Variants in CDHR2 observed in about 807,000 individuals in gnomAD.
The protein encoded by CDHR2 is cadherin related family member 2, also known as cadherin-related family member 2.
Under a neutral mutation model 138.6 loss-of-function variants are expected in CDHR2, and 104 were observed. The ratio of observed to expected loss-of-function variants is 0.75; its 90% CI spans 0.64 to 0.88. CDHR2 has a LOEUF of 0.88. Among genes scored for constraint, CDHR2 ranks in the 40% least tolerant of loss-of-function variants. The pLI is 0.00. For synonymous variants in CDHR2, 755 were observed against 742.8 expected (o/e 1.02, Z -0.27); for missense variants, 1,624 against 1,727.6 (o/e 0.94, Z 1.06).
intron 31 of CDHR2, among the ~76,000 whole-genome samples, 195 bp downstream of exon 31, chr5:176,592,975 A>T (rs1758925312): frequency 6.6e-6 from 1 of 152,098 alleles, no homozygotes; most frequent in African/African-American, 2.4e-5. Flanking sequence ...ACCCTGAGAG[A>T]CTTCTTGCCT....
At chr5:176,551,763 G>A (rs1025173762) in intron 1 of CDHR2, among the ~76,000 whole-genome samples, 3 of 143,972 alleles carry the variant, frequency 2.1e-5, no homozygotes, top group East Asian at 2.1e-4. Flanking sequence ...GTGCAGTAGC[G>A]GCATCTCGGC....
At chr5:176,557,450 T>G (rs1757859478) in intron 1 of CDHR2, among the ~76,000 whole-genome samples, 2 of 152,104 alleles carry the variant, frequency 1.3e-5, no homozygotes, top group South Asian at 4.1e-4. Context: ...AAGTGGTCCA[T>G]CTGCCTTGGC....
At chr5:176,556,030 C>T (rs1281610555) in intron 1 of CDHR2, among the ~76,000 whole-genome samples, 1 of 152,174 alleles carries the variant, frequency 6.6e-6, no homozygotes, top group Admixed American at 6.5e-5. Flanking sequence ...CTCAACCTGC[C>T]TCCCTCCCAT....
upstream of CDHR2, among the ~76,000 whole-genome samples, chr5:176,545,198 C>A (rs1757558130): frequency 6.6e-6 from 1 of 152,108 alleles, no homozygotes; most frequent in African/African-American, 2.4e-5. Flanking sequence ...TCACTGCAAT[C>A]TCCCCCCACC....
In CDHR2 at chr5:176,564,634, C is replaced by T. The variant is rs1245453173; in HGVS notation, c.-15-704C>T. On this transcript the variant is annotated intron_variant, in intron 1 of 31. Coordinates refer to ENST00000261944, the MANE Select transcript of CDHR2 (RefSeq NM_017675.6). ...CTGGCCCAGCAGGGTTTTCTAAGGTCTCTGTCTGGCTATCAATCAACAAGA... is the reference window on the plus strand; with the variant it reads ...CTGGCCCAGCAGGGTTTTCTAAGGTTTCTGTCTGGCTATCAATCAACAAGA... Among the ~76,000 whole-genome samples the T allele has an allele frequency of 2.0e-5, 3 of 152,122 alleles. No homozygotes were observed. In the East Asian group the frequency reaches 5.8e-4, roughly 29 times the overall value.
At position 176,568,750 on chromosome 5, in the gene CDHR2, A is replaced by G. The variant is rs1758140090; in HGVS notation, c.197A>G (p.Asn66Ser). 2 of 1,614,084 alleles carry G rather than the reference A, an allele frequency of 1.2e-6. No homozygotes were observed. Among genetic ancestry groups the G allele is most frequent in the Non-Finnish European group, 1.7e-6 (2 of 1,180,038 alleles). Residue 66 changes from asparagine to serine, a missense_variant, in exon 4 of 32, where the codon AAT becomes AGT. Physicochemically the swap from Asn to Ser is conservative, Grantham distance 46. Transcript: ENST00000261944. ...DPLTYGMSGPNAYFFAVTPKT... is the reference protein window; with the variant it reads ...DPLTYGMSGPSAYFFAVTPKT... ...CTGACCTATGGGATGAGCGGCCCCA[A>G]TGCCTACTTCTTCGCTGTCACTCCG...
rs532616404 is a variant in CDHR2, at chr5:176,550,730, C to T, written c.-16+1316C>T. The stretch of plus-strand genomic sequence containing the variant: ...TGTAGCATCGTGGCTGAGTGCACCC[C>T]GGGGGCTCCCCACACTGAAGGAGGA... On this transcript the variant is annotated intron_variant, in intron 1 of 31. Transcript: ENST00000261944. 1.8e-3 allele frequency among the ~76,000 whole-genome samples: 273 copies of T among 152,272 alleles called. 2 individuals carry two copies. Among genetic ancestry groups the T allele is most frequent in the African/African-American group, 6.4e-3 (264 of 41,556 alleles).
intron 3 of CDHR2, among the ~76,000 whole-genome samples, chr5:176,568,094 G>A (rs1758125099): frequency 6.6e-6 from 1 of 152,266 alleles, no homozygotes; most frequent in African/African-American, 2.4e-5. Context: ...CGGGGCCAGT[G>A]GAGGTGTCGG....
upstream of CDHR2, among the ~76,000 whole-genome samples, chr5:176,546,995 T>C (rs1168169023): frequency 1.3e-5 from 2 of 151,472 alleles, no homozygotes; most frequent in African/African-American, 4.8e-5. Context: ...TTTTTTTTTT[T>C]TGAGATGGAG....
intron 1 of CDHR2, among the ~76,000 whole-genome samples, chr5:176,563,506 A>C (rs1051212926): frequency 6.6e-6 from 1 of 152,042 alleles, no homozygotes; most frequent in East Asian, 1.9e-4. Flanking sequence ...AAAAACCCTC[A>C]TGGCAGTTAG....
At chr5:176,565,828 C>A in intron 3 of CDHR2, 85 bp downstream of exon 3, 1 of 946,020 alleles carries the variant, frequency 1.1e-6, no homozygotes, top group Non-Finnish European at 1.7e-6. Flanking sequence ...CCCCACCATG[C>A]CTGCAACTCC....
At chr5:176,573,688 C>G (rs781669752) in intron 6 of CDHR2, among the ~76,000 whole-genome samples, 1 of 151,884 alleles carries the variant, frequency 6.6e-6, no homozygotes, top group Non-Finnish European at 1.5e-5. Flanking sequence ...TACAGGGGCC[C>G]AGGAGCAGAG....
chr5:176,567,965 C>G (rs1172998914), intron 3 of CDHR2, among the ~76,000 whole-genome samples: 6 of 152,214 alleles, frequency 3.9e-5, no homozygotes, highest in Non-Finnish European at 8.8e-5. Flanking sequence ...TCTTGTGGGC[C>G]ACGAAAGTAT....
At chr5:176,562,845 C>T (rs1757994159) in intron 1 of CDHR2, among the ~76,000 whole-genome samples, 2 of 152,160 alleles carry the variant, frequency 1.3e-5, no homozygotes, top group Admixed American at 1.3e-4. Context: ...GCATGTTGAA[C>T]ACACGTGCAT....
chr5:176,576,149 C>T lies in CDHR2; in HGVS notation c.1158C>T (p.Ile386=), dbSNP rs373111697. The part of the protein sequence containing the change: ...VDEHASPRIP[I]DDLTMVVYDP... ...AGCATGCCTCCCCCCGCATCCCCAT[C>T]GATGACCTCACCATGGTGGTCTACG... Residue 386 remains isoleucine, a synonymous_variant, in exon 12 of 32, where the codon ATC becomes ATT. Transcript: ENST00000261944. The surrounding 1 kb of genome is among the most constrained non-coding windows in gnomAD (Gnocchi z 4.5). The T allele has an allele frequency of 7.4e-6, 12 of 1,613,790 alleles. No individual in the cohort carries two copies. Among genetic ancestry groups the T allele is most frequent in the South Asian group, 1.1e-5 (1 of 91,070 alleles).
At chr5:176,588,575 G>T (rs568927383) in intron 21 of CDHR2, among the ~76,000 whole-genome samples, 1 of 136,966 alleles carries the variant, frequency 7.3e-6, no homozygotes, top group South Asian at 2.2e-4. Flanking sequence ...GTGTGTGAGA[G>T]TGTGTGTGAG....
At position 176,589,558 on chromosome 5, in the gene CDHR2, C is replaced by A. The variant is rs142588623; in HGVS notation, c.3148C>A (p.Arg1050=). The part of the protein sequence containing the change: ...LFTVDQSYRS[R]LQFSTPKEEV... ...CACCGTGGACCAGAGTTACCGCTCGCGGCTGCAGTTCTCCACACCGAAGGA... is the reference window on the plus strand; with the variant it reads ...CACCGTGGACCAGAGTTACCGCTCGAGGCTGCAGTTCTCCACACCGAAGGA... The change falls in exon 24 of 32, where the codon CGG becomes AGG. Residue 1050 remains arginine (R), a synonymous_variant. Coordinates refer to ENST00000261944, the MANE Select transcript of CDHR2 (RefSeq NM_017675.6). The A allele has an allele frequency of 6.2e-7, 1 of 1,614,094 alleles. No homozygotes were observed.
At chr5:176,568,611 C>A in intron 3 of CDHR2, 67 bp from the exon 4 acceptor site, 21 of 1,569,450 alleles carry the variant, frequency 1.3e-5, no homozygotes, top group Non-Finnish European at 1.8e-5. Flanking sequence ...AGCCTCACAG[C>A]CAGCTTGGCC....
At chr5:176,573,982 T>G in intron 6 of CDHR2, 101 bp from the exon 7 acceptor site, 2 of 885,054 alleles carry the variant, frequency 2.3e-6, no homozygotes, top group Non-Finnish European at 3.6e-6. Context: ...CCTGTCCCCA[T>G]GAGTGCACAG....
Sources: gnomAD v4.1 joint callset for allele counts (sites outside exome capture counted in the v4.1 genomes callset) on GRCh38, gnomAD v4.1.1 for gene constraint, Gnocchi (gnomAD v3.1) non-coding constraint, MANE v1.5 for transcripts, NCBI Gene and HGNC (gene_info 2026-07-23, HGNC 2026-07-21) for gene names.